The following GRB2 variants were observed in gnomAD, a reference collection of about 807,000 sequenced individuals.
GRB2 encodes the protein growth factor receptor-bound protein 2.
In GRB2, 2 loss-of-function variants were observed where a neutral mutation model predicts 27.4. That is an observed-to-expected ratio of 0.07 (90% CI 0.03 to 0.23). The LOEUF (loss-of-function observed/expected upper bound fraction) is 0.23. GRB2 is among the 10% of genes least tolerant of loss of function. The pLI is 1.00. For missense variants in GRB2, 102 were observed against 282.4 expected (o/e 0.36, Z 4.58); for synonymous variants, 94 against 99.6 (o/e 0.94, Z 0.33).
intron 2 of GRB2, among the ~76,000 whole-genome samples, chr17:75,367,121 T>C (rs535959820): frequency 1.3e-5 from 2 of 152,262 alleles, no homozygotes; most frequent in East Asian, 1.9e-4. Context: ...AGAAAGTCTA[T>C]GGTAATGGGA....
chr17:75,352,795 A>C (rs1330608397), intron 2 of GRB2, among the ~76,000 whole-genome samples: 1 of 152,170 alleles, frequency 6.6e-6, no homozygotes, highest in Non-Finnish European at 1.5e-5. Context: ...ACTGACTAGC[A>C]CCAAAATTTC....
At chr17:75,393,488 C>A (rs549563262) in intron 2 of GRB2, 63 bp downstream of exon 2, 1 of 1,254,024 alleles carries the variant, frequency 8.0e-7, no homozygotes, top group Non-Finnish European at 1.2e-6. Flanking sequence ...GTAATCAGGG[C>A]GAAAGAAGGT....
chr17:75,358,916 A>AAAT (rs1555611095), intron 2 of GRB2, among the ~76,000 whole-genome samples: 16 of 78,542 alleles, frequency 2.0e-4, no homozygotes, highest in South Asian at 4.8e-4. Flanking sequence ...TATATATATA[A>AAAT]ATATATATAT....
intron 2 of GRB2, among the ~76,000 whole-genome samples, chr17:75,385,049 AAAAAAAAAAG>A (rs1479688271): frequency 1.9e-4 from 16 of 84,104 alleles, no homozygotes; most frequent in Admixed American, 1.1e-3. Context: ...AAAAAAAAAA[AAAAAAAAAAG>A]CAAACAAACA....
At chr17:75,356,610 TC>T (rs1275307279) in intron 2 of GRB2, among the ~76,000 whole-genome samples, 3 of 152,160 alleles carry the variant, frequency 2.0e-5, no homozygotes, top group Non-Finnish European at 4.4e-5. Context: ...TGTGCAGCTT[TC>T]CCTGTGCATA....
Position 75,321,793 on chromosome 17 carries a change from G to C in GRB2, c.334C>G (p.Arg112Gly). Residue 112 changes from arginine to glycine, a missense_variant, in exon 5 of 6, where the codon CGA becomes GGA. Arg to Gly is a moderately radical substitution (Grantham distance 125, BLOSUM62 -2). Transcript: ENST00000316804. The stretch of plus-strand genomic sequence containing the variant: ...AGGAAGTACTTCCCGGCTCCATCTC[G>C]GAGCACCTTGAAGTGCTGCACATCG... ...GNDVQHFKVL[R>G]DGAGKYFLWV... 2 of 1,613,972 alleles carry C rather than the reference G, an allele frequency of 1.2e-6. No homozygotes were observed. Among genetic ancestry groups the C allele is most frequent in the Non-Finnish European group, 1.7e-6 (2 of 1,180,002 alleles).
At chr17:75,388,526 T>C (rs918285107) in intron 2 of GRB2, among the ~76,000 whole-genome samples, 5 of 148,444 alleles carry the variant, frequency 3.4e-5, no homozygotes, top group African/African-American at 1.3e-4. Flanking sequence ...CCCAGCACTT[T>C]GGGAGGAAAA....
intron 2 of GRB2, chr17:75,373,765 T>C (rs1377910363): frequency 6.6e-6 from 1 of 151,072 alleles, no homozygotes; most frequent in Non-Finnish European, 1.5e-5. Flanking sequence ...AGATACTCAA[T>C]AATTTGTTGC....
intron 2 of GRB2, among the ~76,000 whole-genome samples, chr17:75,357,636 G>C (rs1050566094): frequency 1.3e-5 from 2 of 152,124 alleles, no homozygotes; most frequent in African/African-American, 4.8e-5. Context: ...TAAAACTGAG[G>C]CAGGCCAGGA....
At chr17:75,397,236 T>G (rs1252842463) in intron 1 of GRB2, among the ~76,000 whole-genome samples, 1 of 152,148 alleles carries the variant, frequency 6.6e-6, no homozygotes, top group Non-Finnish European at 1.5e-5. Context: ...AGGGTGTGTT[T>G]CAGTAAAGAC....
chr17:75,384,406 C>A (rs1358535086), intron 2 of GRB2, among the ~76,000 whole-genome samples: 1 of 152,144 alleles, frequency 6.6e-6, no homozygotes, highest in South Asian at 2.1e-4. Context: ...TGGTGGCTCA[C>A]CCCTGTAATC....
chr17:75,340,586 G>T (rs572171803), intron 2 of GRB2, among the ~76,000 whole-genome samples: 128 of 152,276 alleles, frequency 8.4e-4, no homozygotes, highest in African/African-American at 3.0e-3. Context: ...CCTGGCTAGG[G>T]TAACAGTAAT....
At chr17:75,388,585 G>GC (rs1242586044) in intron 2 of GRB2, among the ~76,000 whole-genome samples, 1 of 143,806 alleles carries the variant, frequency 7.0e-6, no homozygotes, top group South Asian at 2.4e-4. Context: ...TAAAATAGTG[G>GC]GGGGGGGGAA....
At chr17:75,377,552 T>C (rs984641578) in intron 2 of GRB2, among the ~76,000 whole-genome samples, 14 of 126,974 alleles carry the variant, frequency 1.1e-4, no homozygotes, top group African/African-American at 3.9e-4. Flanking sequence ...CCTAGGAAGT[T>C]GAGGCTGCAC....
chr17:75,387,139 T>G (rs930867280), intron 2 of GRB2, among the ~76,000 whole-genome samples: 9 of 151,086 alleles, frequency 6.0e-5, no homozygotes, highest in African/African-American at 2.0e-4. Context: ...CCATCCAGCC[T>G]GAGGGACAGA....
chr17:75,360,093 G>T (rs1000163281), intron 2 of GRB2, among the ~76,000 whole-genome samples: 8 of 151,852 alleles, frequency 5.3e-5, no homozygotes, highest in Non-Finnish European at 1.2e-4. Context: ...ACCAGCCTGG[G>T]CAACATGGCG....
intron 2 of GRB2, among the ~76,000 whole-genome samples, chr17:75,364,641 A>G (rs1315060786): frequency 6.6e-6 from 1 of 151,882 alleles, no homozygotes; most frequent in Non-Finnish European, 1.5e-5. Context: ...CGTCCATACT[A>G]TTTCTGACCA....
intron 2 of GRB2, among the ~76,000 whole-genome samples, chr17:75,385,704 G>T (rs920865210): frequency 6.6e-6 from 1 of 152,192 alleles, no homozygotes. Flanking sequence ...AGATTTGCGT[G>T]AGATTAAAAG....
At chr17:75,365,571 G>C (rs1026533350) in intron 2 of GRB2, among the ~76,000 whole-genome samples, 1 of 152,266 alleles carries the variant, frequency 6.6e-6, no homozygotes, top group East Asian at 1.9e-4. Flanking sequence ...GGTAGTAATG[G>C]ATTGCTTGGT....
Sources: allele counts gnomAD v4.1 joint callset (sites outside exome capture counted in the v4.1 genomes callset), GRCh38; gene constraint gnomAD v4.1.1; transcripts MANE v1.5; gene names NCBI Gene and HGNC (gene_info 2026-07-23, HGNC 2026-07-21).